EPHA6: variants seen among roughly 807,000 people sequenced by gnomAD.
EPHA6 encodes the protein ephrin type-A receptor 6.
A neutral mutation model predicts 112.0 loss-of-function variants in EPHA6; 50 were observed. That is an observed-to-expected ratio of 0.45 (90% CI 0.36 to 0.56). The LOEUF (loss-of-function observed/expected upper bound fraction) is 0.56, where lower values mean the gene tolerates loss of function less well. Among genes scored for constraint, EPHA6 ranks in the 20% least tolerant of loss-of-function variants. The pLI is 0.00. For missense variants in EPHA6, 1,280 were observed against 1,417.4 expected, an observed-to-expected ratio of 0.90 and a Z score of 1.56; for synonymous variants, 529 against 490.7, an observed-to-expected ratio of 1.08 and a Z score of -1.03.
At chr3:97,686,892 C>T (rs1010908213) in intron 14 of EPHA6, among the ~76,000 whole-genome samples, 1 of 152,148 alleles carries the variant, frequency 6.6e-6, no homozygotes, top group Non-Finnish European at 1.5e-5. Flanking sequence ...TTAGGGTATA[C>T]ATTGTTTACC....
intron 4 of EPHA6, among the ~76,000 whole-genome samples, chr3:97,233,952 A>C (rs2078608495): frequency 6.6e-6 from 1 of 152,176 alleles, no homozygotes. Flanking sequence ...AAGGATGCTA[A>C]GAAGCCCGGT....
At chr3:96,922,706 G>C (rs1157512465) in intron 2 of EPHA6, among the ~76,000 whole-genome samples, 3 of 151,790 alleles carry the variant, frequency 2.0e-5, no homozygotes, top group Non-Finnish European at 2.9e-5. Flanking sequence ...TTGTTACATA[G>C]ATAAACATGT....
chr3:96,951,832 T>C (rs2041548640), intron 2 of EPHA6, among the ~76,000 whole-genome samples: 1 of 152,138 alleles, frequency 6.6e-6, no homozygotes, highest in South Asian at 2.1e-4. Context: ...TTATGCAAAC[T>C]GAATATCTTA....
intron 1 of EPHA6, 42 bp downstream of exon 1, chr3:96,815,050 A>T: frequency 6.8e-7 from 1 of 1,466,408 alleles, no homozygotes. Context: ...TGGGAGGAGG[A>T]GGGTGCTTGG....
chr3:97,661,916 G>A (rs1209658629), intron 14 of EPHA6, among the ~76,000 whole-genome samples: 2 of 152,154 alleles, frequency 1.3e-5, no homozygotes, highest in Non-Finnish European at 2.9e-5. Flanking sequence ...ACAGCTCTGA[G>A]ACTGCTGCTC....
intron 5 of EPHA6, among the ~76,000 whole-genome samples, chr3:97,328,052 C>CATAT (rs1490094035): frequency 1.9e-4 from 11 of 56,998 alleles, no homozygotes; most frequent in African/African-American, 7.7e-4. Context: ...CACATATATA[C>CATAT]ACATATATAT....
chr3:97,463,284 A>G (rs1326760175), intron 7 of EPHA6, among the ~76,000 whole-genome samples: 1 of 152,050 alleles, frequency 6.6e-6, no homozygotes, highest in East Asian at 1.9e-4. Context: ...ATATAATAAC[A>G]TATCTAAATT....
chr3:97,592,721 C>T lies in EPHA6; in HGVS notation c.2496C>T (p.Pro832=), dbSNP rs1363177466. The change falls in exon 12 of 18, where the codon CCC becomes CCT. Residue 832 remains proline (P), a synonymous_variant. Coordinates refer to ENST00000389672, the MANE Select transcript of EPHA6 (RefSeq NM_001080448.3). ...PHPVPGGGSL[P]PRIPAGRPVM... ...CAGTGCCAGGGGGAGGATCTTTGCC[C>T]CCCAGGATTCCTGCTGGTAGGTATT... The T allele has an allele frequency of 2.5e-6, 4 of 1,595,942 alleles. No homozygotes were observed. The highest frequency in any genetic ancestry group is 1.1e-5 in the South Asian group (1 of 88,016).
At chr3:97,044,624 G>A (rs983979400) in intron 3 of EPHA6, among the ~76,000 whole-genome samples, 2 of 151,822 alleles carry the variant, frequency 1.3e-5, no homozygotes, top group African/African-American at 4.8e-5. Flanking sequence ...ATAAAAGAGG[G>A]AAGGAACAAA....
intron 2 of EPHA6, among the ~76,000 whole-genome samples, chr3:96,979,942 T>C (rs1236032222): frequency 6.6e-6 from 1 of 152,218 alleles, no homozygotes; most frequent in African/African-American, 2.4e-5. Flanking sequence ...TTGTAGATGC[T>C]TGATATTAGC....
At chr3:97,180,144 G>T (rs2076948555) in intron 3 of EPHA6, among the ~76,000 whole-genome samples, 1 of 151,982 alleles carries the variant, frequency 6.6e-6, no homozygotes, top group South Asian at 2.1e-4. Flanking sequence ...CTTTTCAAAG[G>T]CAGAGGAGCG....
chr3:97,398,569 A>G (rs1242380783), intron 5 of EPHA6, among the ~76,000 whole-genome samples: 3 of 151,402 alleles, frequency 2.0e-5, no homozygotes, highest in Admixed American at 6.6e-5. Flanking sequence ...ACTTTATGTA[A>G]TCATATTTTC....
chr3:97,409,541 G>A (rs1416332430), intron 6 of EPHA6, among the ~76,000 whole-genome samples: 1 of 152,070 alleles, frequency 6.6e-6, no homozygotes, highest in East Asian at 1.9e-4. Flanking sequence ...GTCTCAGAAA[G>A]TCAGTGCTTT....
chr3:96,891,766 A>G (rs549385379), intron 2 of EPHA6, among the ~76,000 whole-genome samples: 1 of 152,288 alleles, frequency 6.6e-6, no homozygotes, highest in South Asian at 2.1e-4. Context: ...GACATAGATG[A>G]TAGCTACATG....
At chr3:97,255,439 T>A (rs1036505463) in intron 5 of EPHA6, among the ~76,000 whole-genome samples, 2 of 152,196 alleles carry the variant, frequency 1.3e-5, no homozygotes, top group East Asian at 1.9e-4. Flanking sequence ...CTTTGAGTTT[T>A]AGTTTTCTCT....
chr3:97,553,631 G>A (rs201829285), intron 11 of EPHA6, among the ~76,000 whole-genome samples: 9 of 151,956 alleles, frequency 5.9e-5, no homozygotes, highest in Non-Finnish European at 1.0e-4. Flanking sequence ...GGGGGAAACC[G>A]CCCCCGTGAT....
chr3:97,615,956 G>A (rs2107481374), intron 13 of EPHA6, among the ~76,000 whole-genome samples: 1 of 152,278 alleles, frequency 6.6e-6, no homozygotes, highest in East Asian at 1.9e-4. Context: ...GCAGGACACA[G>A]CTACTCTACA....
intron 10 of EPHA6, among the ~76,000 whole-genome samples, chr3:97,507,515 G>C (rs1288159757): frequency 1.3e-5 from 2 of 152,248 alleles, no homozygotes; most frequent in African/African-American, 4.8e-5. Flanking sequence ...GGGTGAAGCT[G>C]ACTTAATCGT....
chr3:96,833,688 C>T (rs145964842), intron 1 of EPHA6, among the ~76,000 whole-genome samples: 4 of 152,088 alleles, frequency 2.6e-5, no homozygotes, highest in African/African-American at 9.6e-5. Flanking sequence ...TTTCCTGAAG[C>T]TTGAAGTGCC....
Sources: gnomAD v4.1 joint callset for allele counts (sites outside exome capture counted in the v4.1 genomes callset) on GRCh38, gnomAD v4.1.1 for gene constraint, MANE v1.5 for transcripts, NCBI Gene and HGNC (gene_info 2026-07-23, HGNC 2026-07-21) for gene names.